PPID: variants seen among roughly 807,000 people sequenced by gnomAD.
PPID encodes the protein peptidylprolyl isomerase D.
A neutral mutation model predicts 48.1 loss-of-function variants in PPID; 47 were observed. The observed-to-expected ratio is 0.98, with a 90% confidence interval of 0.77 to 1.25. The LOEUF (loss-of-function observed/expected upper bound fraction) is 1.25, where lower values mean the gene tolerates loss of function less well. PPID is among the 50% of genes most tolerant of loss of function. The probability of loss-of-function intolerance (pLI) is 0.00; values close to 1 mark genes in which losing one functional copy is unlikely to be tolerated. For synonymous variants in PPID, 163 were observed against 148.8 expected (o/e 1.10, Z -0.69); for missense variants, 429 against 443.5 (o/e 0.97, Z 0.29).
chr4:158,713,373 T>C (rs1279416989), intron 6 of PPID, 113 bp from the exon 7 acceptor site: 2 of 1,065,754 alleles, frequency 1.9e-6, no homozygotes, highest in African/African-American at 1.7e-5. Context: ...AAAAATGCTA[T>C]TAATAATCTT....
At chr4:158,718,770 TTG>T (rs1774910164) in intron 3 of PPID, among the ~76,000 whole-genome samples, 1 of 152,244 alleles carries the variant, frequency 6.6e-6, no homozygotes, top group Non-Finnish European at 1.5e-5. Flanking sequence ...CTTTAGGAGC[TTG>T]GACATTTAAC....
Position 158,717,087 on chromosome 4 carries a change from A to G in PPID, c.447T>C (p.Phe149=), listed in dbSNP as rs1774883893. The change falls in exon 4 of 10, where the codon TTT becomes TTC. Residue 149 remains phenylalanine, a synonymous_variant. Transcript: ENST00000307720. ...CTCCTATTCCTTTAATTACTTGGCC[A>G]AACACCACATGTTTCCCATCCAAAT... The part of the protein sequence containing the change: ...TPHLDGKHVV[F]GQVIKGIGVA... 1 of 1,614,054 alleles carries G rather than the reference A, an allele frequency of 6.2e-7. No individual in the cohort carries two copies. Among genetic ancestry groups the G allele is most frequent in the African/African-American group, 1.3e-5 (1 of 74,940 alleles).
Position 158,723,329 on chromosome 4 carries a change from C to G in PPID, c.-41G>C. The G allele has an allele frequency of 6.3e-7, 1 of 1,588,112 alleles. No homozygotes were observed. Among genetic ancestry groups the G allele is most frequent in the African/African-American group, 1.3e-5 (1 of 74,260 alleles). On this transcript the variant is annotated 5_prime_UTR_variant, in exon 1 of 10. Coordinates refer to ENST00000307720, the MANE Select transcript of PPID (RefSeq NM_005038.3). The stretch of plus-strand genomic sequence containing the variant: ...TGTTTAGTACGGAATATCAGAGTAC[C>G]TAGTGGCCGCCCGGGCCGCCCAAAC...
rs770451788 is a variant in PPID at position 158,717,180 on chromosome 4, C to T, written c.354G>A (p.Leu118=). ...TGTTGCGGCCTGCATTTGCCATGCT[C>T]AGTAAACCCTCCCGATCATGCTGTA... ...FHYKHDREGL[L]SMANAGRNTN... The change falls in exon 4 of 10, where the codon CTG becomes CTA. Residue 118 remains leucine, a synonymous_variant. Transcript: ENST00000307720. 3.7e-6 allele frequency: 6 copies of T among 1,613,388 alleles called. No homozygotes were observed. In the South Asian group the frequency reaches 5.5e-5, roughly 15 times the overall value.
chr4:158,709,970 A>T (rs1291815151), intron 9 of PPID, 146 bp from the exon 10 acceptor site: 2 of 611,658 alleles, frequency 3.3e-6, no homozygotes, highest in Non-Finnish European at 2.8e-6. Flanking sequence ...CTGAGCAATC[A>T]CACAAACACA....
At chr4:158,709,953 A>G in intron 9 of PPID, 129 bp from the exon 10 acceptor site, 1 of 648,578 alleles carries the variant, frequency 1.5e-6, no homozygotes, top group East Asian at 2.8e-5. Context: ...CCCTAGTAAC[A>G]GAAAATCTGA....
At chr4:158,715,534 A>G in intron 5 of PPID, 28 bp downstream of exon 5, 7 of 1,608,028 alleles carry the variant, frequency 4.4e-6, no homozygotes, top group Non-Finnish European at 6.0e-6. Flanking sequence ...TAAATTAATT[A>G]AAGTTTGACT....
rs911844670 is a variant in PPID at position 158,723,388 on chromosome 4, A to T, written c.-100T>A. On this transcript the variant is annotated 5_prime_UTR_variant, in exon 1 of 10. Coordinates refer to ENST00000307720, the MANE Select transcript of PPID (RefSeq NM_005038.3). ...CCGTCTCCGCCGGAGACCGGCAGCG[A>T]CGCTGACCGGCCACTTCCGACGCAA... is the stretch of plus-strand genomic sequence containing the variant. 33 of 1,213,342 alleles carry T rather than the reference A, an allele frequency of 2.7e-5. No individual in the cohort carries two copies. The highest frequency in any genetic ancestry group is 3.5e-5 in the Non-Finnish European group (30 of 848,540). 75.2% of individuals were successfully genotyped at this position (1,213,342 alleles called of 1,614,324 possible).
intron 7 of PPID, among the ~76,000 whole-genome samples, chr4:158,712,360 T>C (rs1774802171): frequency 6.6e-6 from 1 of 152,218 alleles, no homozygotes; most frequent in African/African-American, 2.4e-5. Context: ...GAATCACTTA[T>C]TAAGCTTCTT....
rs17843898 is a variant in PPID, at chr4:158,720,663, T to C, written c.226+680A>G. 2.5e-3 allele frequency among the ~76,000 whole-genome samples: 375 copies of C among 152,270 alleles called. 1 individual carries two copies. Among genetic ancestry groups the C allele is most frequent in the African/African-American group, 8.8e-3 (366 of 41,562 alleles). ...CAAAACACTGAATCTTCAAATCTGC[T>C]GCCTTCCCAAGCACTCAGGCCCAAA... is the stretch of plus-strand genomic sequence containing the variant. On this transcript the variant is annotated intron_variant, in intron 2 of 9. Transcript: ENST00000307720.
At chr4:158,713,366 A>T in intron 6 of PPID, 106 bp from the exon 7 acceptor site, 1 of 1,126,540 alleles carries the variant, frequency 8.9e-7, no homozygotes, top group African/African-American at 1.6e-5. Context: ...AAGCTCTAAA[A>T]ATGCTATTAA....
intron 1 of PPID, among the ~76,000 whole-genome samples, 158 bp downstream of exon 1, chr4:158,723,046 G>C (rs1386616699): frequency 1.3e-5 from 2 of 152,206 alleles, no homozygotes; most frequent in African/African-American, 4.8e-5. Context: ...TCTAGCCCTA[G>C]ATCTCCGGGC....
At chr4:158,721,952 C>A (rs1774969988) in intron 1 of PPID, among the ~76,000 whole-genome samples, 1 of 152,162 alleles carries the variant, frequency 6.6e-6, no homozygotes, top group African/African-American at 2.4e-5. Flanking sequence ...TAAAAAAAAT[C>A]CATCTGTAGA....
rs759391480 is a variant in PPID at position 158,715,408 on chromosome 4, A to C, written c.646-5T>G. The C allele has an allele frequency of 6.7e-7, 1 of 1,496,374 alleles. No homozygotes were observed. Among genetic ancestry groups the C allele is most frequent in the South Asian group, 1.3e-5 (1 of 76,230 alleles). 92.7% of individuals were successfully genotyped at this position (1,496,374 alleles called of 1,614,324 possible). ...TATTAATAAAATTTTATCTACCTGTATAAAAAAATACAAATATGTTGGATT... is the reference window on the plus strand; with the variant it reads ...TATTAATAAAATTTTATCTACCTGTCTAAAAAAATACAAATATGTTGGATT... On this transcript the variant is annotated splice_region_variant and splice_polypyrimidine_tract_variant and intron_variant, in intron 5 of 9. Coordinates refer to ENST00000307720, the MANE Select transcript of PPID (RefSeq NM_005038.3).
Position 158,723,295 on chromosome 4 carries a change from T to C in PPID, c.-7A>G. The C allele has an allele frequency of 6.2e-7, 1 of 1,612,950 alleles. No homozygotes were observed. The highest frequency in any genetic ancestry group is 8.5e-7 in the Non-Finnish European group (1 of 1,179,190). ...GGGGGGACGGGTGCGACATCTTGAC[T>C]TGCAGACGTGTTTAGTACGGAATAT... On this transcript the variant is annotated 5_prime_UTR_variant, in exon 1 of 10. Coordinates refer to ENST00000307720, the MANE Select transcript of PPID (RefSeq NM_005038.3).
At chr4:158,713,583 G>T (rs1197237746) in intron 6 of PPID, among the ~76,000 whole-genome samples, 4 of 152,170 alleles carry the variant, frequency 2.6e-5, no homozygotes, top group African/African-American at 9.7e-5. Context: ...CATAATAGGA[G>T]AAGGGAATTC....
In PPID at chr4:158,721,526, T is replaced by C. The variant is rs368029187; in HGVS notation, c.86-43A>G. The stretch of plus-strand genomic sequence containing the variant: ...CTTGTCAGTATGCAAAACAACCAAA[T>C]AGACAAATGATAAAAAGAAGGTTGG... On this transcript the variant is annotated intron_variant, in intron 1 of 9. Coordinates refer to ENST00000307720, the MANE Select transcript of PPID (RefSeq NM_005038.3). 9 of 1,584,918 alleles carry C rather than the reference T, an allele frequency of 5.7e-6. No homozygotes were observed. The East Asian group carries it at 1.1e-4, about 20-fold the overall frequency.
chr4:158,721,333 T>C lies in PPID; in HGVS notation c.226+10A>G, dbSNP rs759518763. 8 of 1,612,998 alleles carry C rather than the reference T, an allele frequency of 5.0e-6. No individual in the cohort carries two copies. The highest frequency in any genetic ancestry group is 6.8e-6 in the Non-Finnish European group (8 of 1,179,332). On this transcript the variant is annotated intron_variant, in intron 2 of 9. Transcript: ENST00000307720. Reference sequence around the variant, plus strand: ...TGAAGAATAACAAGATTAAGAAAATTTACACATACTTCGATGAAAAGGGCA... The same window carrying C: ...TGAAGAATAACAAGATTAAGAAAATCTACACATACTTCGATGAAAAGGGCA...
Position 158,723,315 on chromosome 4 carries a change from G to A in PPID, c.-27C>T, listed in dbSNP as rs376511658. Reference sequence around the variant, plus strand: ...TTGACTTGCAGACGTGTTTAGTACGGAATATCAGAGTACCTAGTGGCCGCC... The same window carrying A: ...TTGACTTGCAGACGTGTTTAGTACGAAATATCAGAGTACCTAGTGGCCGCC... On this transcript the variant is annotated 5_prime_UTR_variant, in exon 1 of 10. Transcript: ENST00000307720. 8 of 1,604,974 alleles carry A rather than the reference G, an allele frequency of 5.0e-6. No individual in the cohort carries two copies. In the South Asian group the frequency reaches 5.5e-5, roughly 11 times the overall value.
Sources: gnomAD v4.1 joint callset for allele counts (sites outside exome capture counted in the v4.1 genomes callset) on GRCh38, gnomAD v4.1.1 for gene constraint, MANE v1.5 for transcripts, NCBI Gene and HGNC (gene_info 2026-07-23, HGNC 2026-07-21) for gene names.